Variants in MACF1 observed in about 807,000 individuals in gnomAD.
MACF1 encodes microtubule actin crosslinking factor 1.
A neutral mutation model predicts 854.8 loss-of-function variants in MACF1; 193 were observed. The observed-to-expected ratio is 0.23, with a 90% CI of 0.20 to 0.25. MACF1 has a LOEUF of 0.25. Ranked by LOEUF, MACF1 falls within the 10% of genes least tolerant of loss-of-function variation. MACF1 has a pLI of 1.00. For synonymous variants in MACF1, 3,185 were observed against 3,226.7 expected (o/e 0.99, Z 0.44); for missense variants, 7,722 against 8,929.1 (o/e 0.86, Z 5.45).
intron 55 of MACF1, among the ~76,000 whole-genome samples, chr1:39,381,623 G>A (rs1010313422): frequency 1.3e-5 from 2 of 151,928 alleles, no homozygotes; most frequent in African/African-American, 4.8e-5. Flanking sequence ...CCCACTTGAG[G>A]AGTTCAAGAA....
intron 2 of MACF1, among the ~76,000 whole-genome samples, chr1:39,172,335 G>A (rs1376508287): frequency 6.6e-6 from 1 of 152,124 alleles, no homozygotes; most frequent in African/African-American, 2.4e-5. Context: ...AAGATGAAAT[G>A]TTTTATTCAT....
intron 1 of MACF1, among the ~76,000 whole-genome samples, chr1:39,222,787 T>A (rs4660550): frequency 0.65 from 98,920 of 152,000 alleles, 32,824 homozygotes; most frequent in South Asian, 0.78. Context: ...CCTTTTTAGA[T>A]TTCCAGGTGG....
intron 46 of MACF1, 100 bp from the exon 47 acceptor site, chr1:39,359,041 A>G: frequency 1.3e-6 from 2 of 1,489,930 alleles, no homozygotes; most frequent in Non-Finnish European, 1.8e-6. Context: ...CTATGGTTAA[A>G]CTTACAATTA....
chr1:39,106,534 C>G (rs1642243054), intron 2 of MACF1, among the ~76,000 whole-genome samples: 1 of 152,192 alleles, frequency 6.6e-6, no homozygotes, highest in Non-Finnish European at 1.5e-5. Flanking sequence ...AGGCCCTTGC[C>G]TTGATCTTTA....
At chr1:39,176,120 A>AAAAAAAAAAAAAAAAAG (rs1413761638) in intron 2 of MACF1, among the ~76,000 whole-genome samples, 1 of 126,242 alleles carries the variant, frequency 7.9e-6, no homozygotes, top group Non-Finnish European at 1.7e-5. Flanking sequence ...AAAAAAAAAA[A>AAAAAAAAAAAAAAAAAG]AAAAAAAGCC....
intron 42 of MACF1, among the ~76,000 whole-genome samples, chr1:39,350,509 G>T (rs192518541): frequency 7.9e-4 from 121 of 152,256 alleles, no homozygotes; most frequent in African/African-American, 2.8e-3. Flanking sequence ...ACTTCTTTAT[G>T]GAAAGAATGA....
rs141259269 is a variant in MACF1 at position 39,411,044 on chromosome 1, C to T, written c.15817-11330C>T. The T allele has an allele frequency of 2.7e-5, 43 of 1,613,852 alleles. No homozygotes were observed. The East Asian group carries it at 8.5e-4, about 32-fold the overall frequency. Reference sequence around the variant, plus strand: ...TCCAGATTCTCAAGTGCAACCTGGCCGAGGGCCACAAAAAGTTTAGCTAAG... The same window carrying T: ...TCCAGATTCTCAAGTGCAACCTGGCTGAGGGCCACAAAAAGTTTAGCTAAG... On this transcript the variant is annotated intron_variant, in intron 58 of 100. Transcript: ENST00000564288.
intron 49 of MACF1, among the ~76,000 whole-genome samples, chr1:39,364,739 G>A (rs190258576): frequency 8.6e-5 from 13 of 152,042 alleles, no homozygotes; most frequent in African/African-American, 2.4e-4. Flanking sequence ...TGATCCGCCC[G>A]CCTCAGCCTC....
rs1642214461 is a variant in MACF1, at chr1:39,105,774, G to A, written c.220+21336G>A. 6.7e-6 allele frequency: 7 copies of A among 1,039,526 alleles called. No homozygotes were observed. In the South Asian group the frequency reaches 2.2e-4, roughly 33 times the overall value. The allele number at this position is 1,039,526 out of a possible 1,614,324, so 64.4% of individuals were successfully genotyped here. On this transcript the variant is annotated intron_variant, in intron 2 of 93. Coordinates refer to the MACF1 transcript ENST00000361689. This position sits in a 1 kb window ranked among gnomAD's most constrained non-coding sequence, Gnocchi z 5.9. ...CGCGGGCCGGCGCAGCGTGGCCTTC[G>A]GAGCCGGTCGGCTCGGCGGCTGCAG...
rs756897793 is a variant in MACF1, at chr1:39,324,619, C to G, written c.4390-27C>G. The G allele has an allele frequency of 1.9e-6, 3 of 1,560,768 alleles. No homozygotes were observed. In the African/African-American group the frequency reaches 4.1e-5, roughly 21 times the overall value. ...GACTCTTAATTCTTGGGTTTTGAAG[C>G]TTTTTCTCTTTATTTCTACCATGTA... is the stretch of plus-strand genomic sequence containing the variant. On this transcript the variant is annotated intron_variant, in intron 34 of 100. Coordinates refer to ENST00000564288, the MANE Select transcript of MACF1 (RefSeq NM_001394062.1).
intron 70 of MACF1, 88 bp from the exon 71 acceptor site, chr1:39,437,689 A>G (rs1305752861): frequency 9.8e-7 from 1 of 1,022,596 alleles, no homozygotes; most frequent in African/African-American, 1.6e-5. Flanking sequence ...AAACAGTAGT[A>G]GGATAATATC....
At chr1:39,246,514 GT>G (rs1465476341) in intron 2 of MACF1, among the ~76,000 whole-genome samples, 1 of 151,814 alleles carries the variant, frequency 6.6e-6, no homozygotes, top group African/African-American at 2.4e-5. Context: ...AGGGGTTTTT[GT>G]TTTTGTTTTT....
At position 39,285,175 on chromosome 1, in the gene MACF1, G is replaced by A; in HGVS notation, c.1224G>A (p.Leu408=). ...EEWGKLIIEM[L]EREKSLRPAV... ...GGGGAAAGCTCATCATAGAGATGCTGGAACGAGAGAAATCACTTCGGCCGG... is the reference window on the plus strand; with the variant it reads ...GGGGAAAGCTCATCATAGAGATGCTAGAACGAGAGAAATCACTTCGGCCGG... Residue 408 remains leucine (L), a synonymous_variant, in exon 12 of 101, where the codon CTG becomes CTA. Transcript: ENST00000564288. 1 of 1,614,206 alleles carries A rather than the reference G, an allele frequency of 6.2e-7. No homozygotes were observed. Among genetic ancestry groups the A allele is most frequent in the Non-Finnish European group, 8.5e-7 (1 of 1,180,038 alleles).
At chr1:39,222,793 G>C (rs549465111) in intron 1 of MACF1, among the ~76,000 whole-genome samples, 1 of 152,150 alleles carries the variant, frequency 6.6e-6, no homozygotes, top group Non-Finnish European at 1.5e-5. Context: ...TAGATTTCCA[G>C]GTGGTTGGTG....
chr1:39,129,252 C>G (rs1642936025), intron 2 of MACF1, among the ~76,000 whole-genome samples: 1 of 152,026 alleles, frequency 6.6e-6, no homozygotes, highest in Admixed American at 6.6e-5. Context: ...GGGTGGGATT[C>G]AAGACTTCAC....
At chr1:39,122,018 T>C (rs1390237990) in intron 2 of MACF1, among the ~76,000 whole-genome samples, 4 of 152,158 alleles carry the variant, frequency 2.6e-5, no homozygotes. Context: ...TGATTTGAAC[T>C]ACTCAAGTAG....
At chr1:39,430,963 T>C in intron 66 of MACF1, 55 bp downstream of exon 66, 1 of 1,460,158 alleles carries the variant, frequency 6.8e-7, no homozygotes, top group Non-Finnish European at 9.6e-7. Context: ...ATGTGTGAGA[T>C]ACAGTACTAT....
At position 39,447,550 on chromosome 1, in the gene MACF1, T is replaced by C. The variant is rs1332802946; in HGVS notation, c.19724T>C (p.Ile6575Thr). Residue 6575 changes from isoleucine (I) to threonine (T), a missense_variant, in exon 81 of 101, where the codon ATT becomes ACT. Coordinates refer to ENST00000564288, the MANE Select transcript of MACF1 (RefSeq NM_001394062.1). ...AACATCGCTTCTCCACCAAGCCTGA[T>C]TCTAAATACTGTCCTTTCCCAGATA... ...SLNIASPPSL[I>T]LNTVLSQIEE... 1.9e-6 allele frequency: 3 copies of C among 1,614,110 alleles called. No homozygotes were observed. The highest frequency in any genetic ancestry group is 1.6e-4 in the Middle Eastern group (1 of 6,084).
At chr1:39,361,707 T>C (rs1648198658) in intron 49 of MACF1, 30 bp downstream of exon 49, 2 of 1,607,146 alleles carry the variant, frequency 1.2e-6, no homozygotes, top group Non-Finnish European at 1.7e-6. Flanking sequence ...GTTAGCAGAA[T>C]AAAGGGAAGA....
Sources: allele counts gnomAD v4.1 joint callset (sites outside exome capture counted in the v4.1 genomes callset), GRCh38; gene constraint gnomAD v4.1.1; non-coding constraint Gnocchi (gnomAD v3.1); transcripts MANE v1.5; gene names NCBI Gene and HGNC (gene_info 2026-07-23, HGNC 2026-07-21).